Variants in UNC13C observed in about 807,000 individuals in gnomAD.
UNC13C encodes protein unc-13 homolog C.
In UNC13C, 174 loss-of-function variants were observed where a neutral mutation model predicts 245.4. The observed-to-expected ratio is 0.71, with a 90% CI of 0.63 to 0.80. UNC13C has a LOEUF of 0.80. Ranked by LOEUF, UNC13C falls within the 30% of genes least tolerant of loss-of-function variation. The pLI is 0.00. For missense variants in UNC13C, 2,829 were observed against 2,602.9 expected (o/e 1.09, Z -1.89); for synonymous variants, 992 against 895.1 (o/e 1.11, Z -1.93).
chr15:54,184,291 G>C (rs546088906), intron 4 of UNC13C, among the ~76,000 whole-genome samples: 213 of 151,946 alleles, frequency 1.4e-3, no homozygotes, highest in African/African-American at 4.9e-3. Context: ...TATACTTTAA[G>C]TTTCAGGGTA....
chr15:54,025,729 A>C (rs1271811347), intron 2 of UNC13C, among the ~76,000 whole-genome samples: 1 of 152,212 alleles, frequency 6.6e-6, no homozygotes, highest in Non-Finnish European at 1.5e-5. Context: ...CTGCAATTAC[A>C]AGCTATTTTC....
intron 2 of UNC13C, among the ~76,000 whole-genome samples, chr15:54,086,034 G>A (rs1899220966): frequency 6.6e-6 from 1 of 152,086 alleles, no homozygotes; most frequent in Non-Finnish European, 1.5e-5. Flanking sequence ...GATCATCTGG[G>A]TATTTATCAC....
intron 4 of UNC13C, among the ~76,000 whole-genome samples, chr15:54,174,363 C>T (rs1021921310): frequency 4.6e-5 from 7 of 152,122 alleles, no homozygotes; most frequent in African/African-American, 1.7e-4. Flanking sequence ...TACGGGTTTT[C>T]TTCCAGTAGT....
chr15:54,345,332 T>G (rs2038835413), intron 17 of UNC13C, among the ~76,000 whole-genome samples: 1 of 152,208 alleles, frequency 6.6e-6, no homozygotes, highest in African/African-American at 2.4e-5. Flanking sequence ...ATAAACAAGA[T>G]TGAATGAAGT....
the UNC13C span, among the ~76,000 whole-genome samples, chr15:53,937,002 A>G: frequency 2.0e-5 from 3 of 152,208 alleles, no homozygotes; most frequent in African/African-American, 7.2e-5. Context: ...ACACCTCTCC[A>G]GCAAGGGCAC....
chr15:53,918,759 C>A, the UNC13C span, among the ~76,000 whole-genome samples: 1 of 152,322 alleles, frequency 6.6e-6, no homozygotes, highest in East Asian at 1.9e-4. Flanking sequence ...CCGGATGCTT[C>A]TTCCTGGAAG....
intron 8 of UNC13C, among the ~76,000 whole-genome samples, chr15:54,256,909 T>G (rs2036293303): frequency 6.6e-6 from 1 of 152,228 alleles, no homozygotes; most frequent in Admixed American, 6.5e-5. Flanking sequence ...CGGCCTTGTT[T>G]GTCTTACTTT....
chr15:54,428,657 A>T (rs556418020), intron 19 of UNC13C, among the ~76,000 whole-genome samples: 3 of 151,562 alleles, frequency 2.0e-5, no homozygotes, highest in Non-Finnish European at 4.4e-5. Flanking sequence ...AGAATCTGTC[A>T]TGTGGAAGGT....
chr15:54,106,419 C>CA (rs1900448361), intron 2 of UNC13C, among the ~76,000 whole-genome samples: 1 of 152,146 alleles, frequency 6.6e-6, no homozygotes, highest in South Asian at 2.1e-4. Context: ...TTAAAAAACA[C>CA]ATCAAGCAAA....
chr15:53,852,265 T>C, the UNC13C span, among the ~76,000 whole-genome samples: 1 of 152,252 alleles, frequency 6.6e-6, no homozygotes, highest in African/African-American at 2.4e-5. Flanking sequence ...TCTGTGCTGA[T>C]TGGATTGTTG....
intron 4 of UNC13C, among the ~76,000 whole-genome samples, chr15:54,170,449 A>G (rs1192150667): frequency 3.3e-5 from 5 of 152,282 alleles, no homozygotes; most frequent in South Asian, 4.1e-4. Context: ...AAAAGAGATG[A>G]TCTATATATT....
intron 2 of UNC13C, chr15:54,049,177 A>T: frequency 2.3e-6 from 1 of 443,148 alleles, no homozygotes. Flanking sequence ...TTTCCAGTTG[A>T]TACCTTGAAG....
chr15:54,374,216 C>T (rs1172689672), intron 17 of UNC13C, among the ~76,000 whole-genome samples: 1 of 152,154 alleles, frequency 6.6e-6, no homozygotes, highest in Non-Finnish European at 1.5e-5. Flanking sequence ...CATAAGTTCT[C>T]ATTCCAGTCT....
At chr15:54,576,592 A>C (rs1424325234) in intron 30 of UNC13C, among the ~76,000 whole-genome samples, 4 of 152,160 alleles carry the variant, frequency 2.6e-5, no homozygotes, top group Non-Finnish European at 4.4e-5. Context: ...ACGTTGTAGA[A>C]ATCCAAGCTA....
chr15:54,568,484 A>G (rs1338563255), intron 30 of UNC13C, among the ~76,000 whole-genome samples: 2 of 151,978 alleles, frequency 1.3e-5, no homozygotes, highest in Non-Finnish European at 2.9e-5. Context: ...TATCTTTGAA[A>G]CTCAGATATG....
the UNC13C span, among the ~76,000 whole-genome samples, chr15:53,956,989 C>G: frequency 6.6e-6 from 1 of 151,594 alleles, no homozygotes; most frequent in African/African-American, 2.4e-5. Flanking sequence ...TCATAAAGTT[C>G]AAAACACTGA....
At chr15:54,162,874 A>AT (rs2033029054) in intron 4 of UNC13C, among the ~76,000 whole-genome samples, 2 of 152,220 alleles carry the variant, frequency 1.3e-5, no homozygotes, top group African/African-American at 4.8e-5. Context: ...AAATCAAGAG[A>AT]TAAACAGATA....
In UNC13C at chr15:54,056,968, T is replaced by C. The variant is rs1049958519; in HGVS notation, c.2983+41082T>C. Among the ~76,000 whole-genome samples, 11 of 152,114 alleles carry C rather than the reference T, an allele frequency of 7.2e-5. No homozygotes were observed. In the South Asian group the frequency reaches 2.1e-3, roughly 29 times the overall value. On this transcript the variant is annotated intron_variant, in intron 2 of 32. Coordinates refer to ENST00000260323, the MANE Select transcript of UNC13C (RefSeq NM_001080534.3). ...AAGAGCTCCTGAAGGAAGCACTAAA[T>C]ATAGAAAGGAACAACTGGTACCAGC...
intron 2 of UNC13C, among the ~76,000 whole-genome samples, chr15:54,030,064 C>T (rs929255149): frequency 1.3e-5 from 2 of 152,178 alleles, no homozygotes; most frequent in African/African-American, 2.4e-5. Context: ...TCCCTATTGT[C>T]TGCTGCTGCA....
Sources: allele counts gnomAD v4.1 joint callset (sites outside exome capture counted in the v4.1 genomes callset), GRCh38; gene constraint gnomAD v4.1.1; transcripts MANE v1.5; gene names NCBI Gene and HGNC (gene_info 2026-07-23, HGNC 2026-07-21).